P2RY6: variants seen among roughly 807,000 people sequenced by gnomAD.
P2RY6 encodes the protein pyrimidinergic receptor P2Y6.
In P2RY6, 19 loss-of-function variants were observed where a neutral mutation model predicts 16.3. That is an observed-to-expected ratio of 1.16 (90% CI 0.81 to 1.71). The LOEUF is 1.71. Ranked by LOEUF, P2RY6 falls within the 40% of genes most tolerant of loss-of-function variation. The pLI is 0.00. For synonymous variants in P2RY6, 184 were observed against 201.5 expected (o/e 0.91, Z 0.74); for missense variants, 389 against 455.5 (o/e 0.85, Z 1.33).
Position 73,292,313 on chromosome 11 carries a change from T to C in P2RY6, c.-120-3417T>C, listed in dbSNP as rs576048944. ...GAGGGAAGCGGGGGGAGAAGGCGGCTGAGTAAGTTTGTACGTAAGTGGATT... is the reference window on the plus strand; with the variant it reads ...GAGGGAAGCGGGGGGAGAAGGCGGCCGAGTAAGTTTGTACGTAAGTGGATT... On this transcript the variant is annotated intron_variant, in intron 1 of 2. Coordinates refer to ENST00000540124, the MANE Select transcript of P2RY6 (RefSeq NM_001277204.2). 2.0e-5 allele frequency among the ~76,000 whole-genome samples: 3 copies of C among 152,270 alleles called. No individual in the cohort carries two copies. The South Asian group carries it at 6.2e-4, about 32-fold the overall frequency.
intron 1 of P2RY6, among the ~76,000 whole-genome samples, chr11:73,289,601 A>G (rs1422306911): frequency 6.6e-6 from 1 of 152,046 alleles, no homozygotes; most frequent in African/African-American, 2.4e-5. Context: ...CCTTGCCCTC[A>G]CCCCTCCCTG....
rs536254438 is a variant in P2RY6 at position 73,296,055 on chromosome 11, G to A, written c.-35+240G>A. Among the ~76,000 whole-genome samples, 377 of 151,812 alleles carry A rather than the reference G, an allele frequency of 2.5e-3. 2 individuals carry two copies. Among genetic ancestry groups the A allele is most frequent in the Middle Eastern group, 3.4e-3 (1 of 294 alleles). ...GTGACATCCCTGAGAGGCAGGTGCC[G>A]CATTCCCCCTTTTCTCGGGTGAAAT... On this transcript the variant is annotated intron_variant, in intron 2 of 2. Coordinates refer to ENST00000540124, the MANE Select transcript of P2RY6 (RefSeq NM_001277204.2).
At chr11:73,291,255 G>T (rs187329394) in intron 1 of P2RY6, among the ~76,000 whole-genome samples, 43 of 152,300 alleles carry the variant, frequency 2.8e-4, no homozygotes, top group Admixed American at 1.8e-3. Context: ...ATCCATCCAG[G>T]TTGCAGGGAC....
In P2RY6 at chr11:73,296,917, C is replaced by G. The variant is rs760542468; in HGVS notation, c.399C>G (p.Ala133=). 6.2e-7 allele frequency: 1 copy of G among 1,608,990 alleles called. No individual in the cohort carries two copies. The highest frequency in any genetic ancestry group is 8.5e-7 in the Non-Finnish European group (1 of 1,180,020). ...ACCTGGGCATCTGCCACCCGCTGGC[C>G]CCCTGGCACAAACGTGGGGGCCGCC... ...QRYLGICHPL[A]PWHKRGGRRA... Residue 133 remains alanine (A), a synonymous_variant, in exon 3 of 3, where the codon GCC becomes GCG. Coordinates refer to ENST00000540124, the MANE Select transcript of P2RY6 (RefSeq NM_001277204.2).
chr11:73,290,808 C>T (rs1864212425), intron 1 of P2RY6, among the ~76,000 whole-genome samples: 1 of 152,256 alleles, frequency 6.6e-6, no homozygotes, highest in African/African-American at 2.4e-5. Context: ...GCCCCCTCCT[C>T]TAGGCCTAGC....
intron 1 of P2RY6, among the ~76,000 whole-genome samples, chr11:73,290,299 AAAGAAAAGAAAGAAAGAAAGAAAGAAAG>A (rs1310042841): frequency 6.2e-5 from 7 of 112,766 alleles, no homozygotes; most frequent in African/African-American, 2.2e-4. Flanking sequence ...AGAAAGAAAG[AAAGAAAAGAAAGAAAGAAAGAAAGAAAG>A]AAAGAAAGAA....
chr11:73,285,954 G>C (rs1863955438), intron 1 of P2RY6, among the ~76,000 whole-genome samples: 1 of 152,212 alleles, frequency 6.6e-6, no homozygotes, highest in South Asian at 2.1e-4. Context: ...GCAGTCACTA[G>C]GGACAGATCT....
chr11:73,290,338 AGAAAGAAAGAAAGAAAGAAAGAAAGAAG>A lies in P2RY6; in HGVS notation c.-120-5381_-120-5354del, dbSNP rs1565170680. On this transcript the variant is annotated intron_variant, in intron 1 of 2. Coordinates refer to ENST00000540124, the MANE Select transcript of P2RY6 (RefSeq NM_001277204.2). ...AAGAAAGAAAGAAAGAAAGAAAGAA[AGAAAGAAAGAAAGAAAGAAAGAAAGAAG>A]GAAAGAAAGAGAAAGAAAGAAGGGA... 1.6e-3 allele frequency among the ~76,000 whole-genome samples: 243 copies of A among 151,428 alleles called. 1 individual carries two copies. Among genetic ancestry groups the A allele is most frequent in the African/African-American group, 4.1e-3 (167 of 41,134 alleles).
At chr11:73,296,391 C>T (rs1691138566) in intron 2 of P2RY6, 94 bp from the exon 3 acceptor site, 2 of 1,130,774 alleles carry the variant, frequency 1.8e-6, no homozygotes, top group African/African-American at 1.5e-5. Context: ...AGTGCCCTCA[C>T]TGTTCAGACA....
intron 1 of P2RY6, among the ~76,000 whole-genome samples, chr11:73,291,319 A>G (rs914521778): frequency 3.3e-5 from 5 of 152,152 alleles, no homozygotes; most frequent in African/African-American, 1.2e-4. Context: ...CTTGGGGCCA[A>G]CACCTCCCAG....
intron 2 of P2RY6, among the ~76,000 whole-genome samples, chr11:73,296,233 A>AAAAAATAT (rs57187973): frequency 2.4e-5 from 3 of 124,512 alleles, no homozygotes; most frequent in African/African-American, 1.1e-4. Context: ...GAAAAAAAAA[A>AAAAAATAT]ATATATATAT....
chr11:73,292,365 CA>C (rs900562752), intron 1 of P2RY6, among the ~76,000 whole-genome samples: 2 of 152,094 alleles, frequency 1.3e-5, no homozygotes, highest in Non-Finnish European at 2.9e-5. Context: ...GGTAGATGGA[CA>C]TGTTGGTGAG....
At chr11:73,286,678 G>C (rs931129677) in intron 1 of P2RY6, among the ~76,000 whole-genome samples, 46 of 152,024 alleles carry the variant, frequency 3.0e-4, no homozygotes, top group African/African-American at 1.1e-3. Flanking sequence ...TGCCTCTTGG[G>C]CCAAAGCCTA....
chr11:73,292,748 C>G, intron 1 of P2RY6: 1 of 978,568 alleles, frequency 1.0e-6, no homozygotes, highest in East Asian at 1.1e-4. Context: ...GTGGCCCCCA[C>G]AGGGGCTCTT....
chr11:73,282,562 C>T (rs940153641), intron 1 of P2RY6, among the ~76,000 whole-genome samples: 1 of 152,198 alleles, frequency 6.6e-6, no homozygotes, highest in Non-Finnish European at 1.5e-5. Context: ...TTTCCACACT[C>T]CACCAAAGAA....
chr11:73,282,866 C>T (rs1162966195), intron 1 of P2RY6, among the ~76,000 whole-genome samples: 1 of 152,098 alleles, frequency 6.6e-6, no homozygotes, highest in African/African-American at 2.4e-5. Context: ...AATAGAAGCC[C>T]CACTGAGCAA....
chr11:73,287,261 G>A (rs1864005879), intron 1 of P2RY6, among the ~76,000 whole-genome samples: 1 of 152,178 alleles, frequency 6.6e-6, no homozygotes, highest in Non-Finnish European at 1.5e-5. Context: ...TACTAACTTT[G>A]CAAATATTGT....
chr11:73,278,973 C>T (rs1185977443), intron 1 of P2RY6, among the ~76,000 whole-genome samples: 1 of 150,812 alleles, frequency 6.6e-6, no homozygotes, highest in African/African-American at 2.4e-5. Context: ...CATCATTTTA[C>T]ATTTCCACAG....
At chr11:73,264,947 T>A (rs1445511034) in intron 1 of P2RY6, among the ~76,000 whole-genome samples, 1 of 152,210 alleles carries the variant, frequency 6.6e-6, no homozygotes, top group Non-Finnish European at 1.5e-5. Flanking sequence ...GATCACAGTG[T>A]GTGTCTGCCT....
Sources: gnomAD v4.1 joint callset for allele counts (sites outside exome capture counted in the v4.1 genomes callset) on GRCh38, gnomAD v4.1.1 for gene constraint, MANE v1.5 for transcripts, NCBI Gene and HGNC (gene_info 2026-07-23, HGNC 2026-07-21) for gene names.